The following SLC44A5 variants were observed in gnomAD, a reference collection of about 807,000 sequenced individuals.
SLC44A5 encodes the protein solute carrier family 44 member 5, also known as choline transporter-like protein 5.
Under a neutral mutation model 101.8 loss-of-function variants are expected in SLC44A5, and 57 were observed. The observed-to-expected ratio is 0.56, with a 90% CI of 0.45 to 0.70. The LOEUF is 0.70. Among genes scored for constraint, SLC44A5 ranks in the 30% least tolerant of loss-of-function variants. The pLI is 0.00. For synonymous variants in SLC44A5, 281 were observed against 290.9 expected (o/e 0.97, Z 0.35); for missense variants, 737 against 853.1 (o/e 0.86, Z 1.70).
At chr1:75,319,762 T>C (rs1449931707) in intron 4 of SLC44A5, among the ~76,000 whole-genome samples, 2 of 152,104 alleles carry the variant, frequency 1.3e-5, no homozygotes, top group Non-Finnish European at 2.9e-5. Flanking sequence ...TGTATAATGA[T>C]CATATATCAT....
At chr1:75,698,407 C>T in the SLC44A5 span, among the ~76,000 whole-genome samples, 51 of 152,264 alleles carry the variant, frequency 3.3e-4, no homozygotes, top group African/African-American at 1.1e-3. Context: ...ACACCTCACA[C>T]GGCCAGGTAC....
intron 2 of SLC44A5, among the ~76,000 whole-genome samples, chr1:75,469,553 C>T (rs187369921): frequency 2.0e-5 from 3 of 152,062 alleles, no homozygotes; most frequent in Admixed American, 2.0e-4. Context: ...GAAAAAATCA[C>T]TAAAATGGTA....
intron 3 of SLC44A5, among the ~76,000 whole-genome samples, chr1:75,395,147 A>G (rs951545115): frequency 2.0e-5 from 3 of 152,066 alleles, no homozygotes; most frequent in Non-Finnish European, 4.4e-5. Context: ...TTATCTCATA[A>G]ACCTTGTGAG....
intron 3 of SLC44A5, among the ~76,000 whole-genome samples, chr1:75,388,170 C>G (rs1326794222): frequency 9.1e-5 from 13 of 142,346 alleles, no homozygotes; most frequent in Non-Finnish European, 1.7e-4. Context: ...ATGTAACTAA[C>G]CTGCACAATG....
chr1:75,446,832 G>A (rs1665610862), intron 2 of SLC44A5, among the ~76,000 whole-genome samples: 1 of 152,004 alleles, frequency 6.6e-6, no homozygotes, highest in Admixed American at 6.6e-5. Context: ...TCTAAAATCT[G>A]CTTGCTTCCT....
intron 2 of SLC44A5, among the ~76,000 whole-genome samples, chr1:75,461,323 C>T (rs1666484450): frequency 6.6e-6 from 1 of 152,130 alleles, no homozygotes; most frequent in Non-Finnish European, 1.5e-5. Context: ...TCACATGCAC[C>T]TTTCTCCCTG....
At chr1:75,709,039 G>T in the SLC44A5 span, among the ~76,000 whole-genome samples, 1 of 152,010 alleles carries the variant, frequency 6.6e-6, no homozygotes, top group Non-Finnish European at 1.5e-5. Flanking sequence ...GTTAATCCCG[G>T]ATACTGATGA....
chr1:75,215,902 A>C (rs771619235), intron 18 of SLC44A5, 45 bp from the exon 19 acceptor site: 2 of 1,022,780 alleles, frequency 2.0e-6, no homozygotes, highest in Non-Finnish European at 3.0e-6. Flanking sequence ...TTGCAGCTGA[A>C]CCTTATCAGT....
chr1:75,586,307 G>A (rs974326844), intron 1 of SLC44A5, among the ~76,000 whole-genome samples: 2 of 151,706 alleles, frequency 1.3e-5, no homozygotes, highest in Admixed American at 1.3e-4. Context: ...AGTAGATAGG[G>A]GATTTCTCAG....
At chr1:75,516,122 A>G (rs1276648514) in intron 2 of SLC44A5, among the ~76,000 whole-genome samples, 1 of 152,256 alleles carries the variant, frequency 6.6e-6, no homozygotes, top group Non-Finnish European at 1.5e-5. Flanking sequence ...CAAAAATCGT[A>G]TATCAATCTG....
chr1:75,619,943 A>C, the SLC44A5 span, among the ~76,000 whole-genome samples: 2 of 152,230 alleles, frequency 1.3e-5, no homozygotes, highest in Admixed American at 1.3e-4. Flanking sequence ...TCAACCCATC[A>C]TCTACATTAG....
chr1:75,616,498 A>C, the SLC44A5 span, among the ~76,000 whole-genome samples: 1 of 152,220 alleles, frequency 6.6e-6, no homozygotes, highest in African/African-American at 2.4e-5. Context: ...CGCTGGGCCC[A>C]AGAAAGACAC....
chr1:75,442,116 T>C (rs184230524), intron 2 of SLC44A5, among the ~76,000 whole-genome samples: 1 of 152,268 alleles, frequency 6.6e-6, no homozygotes, highest in Admixed American at 6.6e-5. Flanking sequence ...AAGAGATAGC[T>C]TTGTAAGGAC....
chr1:75,439,108 T>C (rs1054557061), intron 2 of SLC44A5, among the ~76,000 whole-genome samples: 4 of 152,114 alleles, frequency 2.6e-5, no homozygotes, highest in African/African-American at 9.7e-5. Flanking sequence ...CCTTCATTAA[T>C]GAATTAATGC....
intron 1 of SLC44A5, among the ~76,000 whole-genome samples, chr1:75,592,164 T>A (rs939173212): frequency 6.6e-6 from 1 of 152,150 alleles, no homozygotes; most frequent in Non-Finnish European, 1.5e-5. Flanking sequence ...TTAGAGCTGA[T>A]AAATTCAGTA....
the SLC44A5 span, among the ~76,000 whole-genome samples, chr1:75,627,899 A>T: frequency 6.8e-6 from 1 of 147,758 alleles, no homozygotes; most frequent in Non-Finnish European, 1.5e-5. Flanking sequence ...AGCATCTAGT[A>T]TGAGTTGAAA....
At chr1:75,576,709 T>C (rs1476273804) in intron 1 of SLC44A5, among the ~76,000 whole-genome samples, 1 of 152,200 alleles carries the variant, frequency 6.6e-6, no homozygotes, top group Admixed American at 6.5e-5. Context: ...TATAAGTCTA[T>C]ATGATTCAAC....
the SLC44A5 span, among the ~76,000 whole-genome samples, chr1:75,617,750 C>G: frequency 2.0e-5 from 3 of 152,284 alleles, no homozygotes; most frequent in East Asian, 5.8e-4. Flanking sequence ...CTCTTCCAAA[C>G]AGCTGCCTCT....
chr1:75,563,871 A>G (rs968302956), intron 1 of SLC44A5, among the ~76,000 whole-genome samples: 1 of 152,234 alleles, frequency 6.6e-6, no homozygotes, highest in Non-Finnish European at 1.5e-5. Context: ...TCTGTCTTAA[A>G]GCAAATCGTA....
Sources: allele counts gnomAD v4.1 joint callset (sites outside exome capture counted in the v4.1 genomes callset), GRCh38; gene constraint gnomAD v4.1.1; transcripts MANE v1.5; gene names NCBI Gene and HGNC (gene_info 2026-07-23, HGNC 2026-07-21).